Variants in NAV2 observed in about 807,000 individuals in gnomAD.
NAV2 encodes neuron navigator 2.
NAV2 carries 54 observed loss-of-function variants against 223.2 expected under a neutral mutation model. That is an observed-to-expected ratio of 0.24 (90% CI 0.19 to 0.30). The LOEUF (loss-of-function observed/expected upper bound fraction) is 0.30, where lower values mean the gene tolerates loss of function less well. NAV2 is among the 10% of genes least tolerant of loss of function. The pLI is 1.00. For missense variants in NAV2, 2,806 were observed against 3,147.5 expected (o/e 0.89, Z 2.60); for synonymous variants, 1,279 against 1,239.3 (o/e 1.03, Z -0.67).
chr11:19,681,123 T>C (rs2048870872), intron 1 of NAV2, among the ~76,000 whole-genome samples: 1 of 152,208 alleles, frequency 6.6e-6, no homozygotes, highest in Non-Finnish European at 1.5e-5. Flanking sequence ...AACTTACTAA[T>C]GAGAGACAGA....
chr11:20,051,321 A>G lies in NAV2; in HGVS notation c.4469A>G (p.Lys1490Arg). 6.2e-7 allele frequency: 1 copy of G among 1,614,112 alleles called. No individual in the cohort carries two copies. Among genetic ancestry groups the G allele is most frequent in the Non-Finnish European group, 8.5e-7 (1 of 1,179,958 alleles). Residue 1490 changes from lysine to arginine, a missense_variant, in exon 17 of 38, where the codon AAG (lysine) becomes AGG (arginine). By Grantham distance (26) the Lys-to-Arg change is conservative. Transcript: ENST00000349880. Reference sequence around the variant, plus strand: ...CACCTTGATAGGAACACTTTGCCTAAGAAAGGACTCAGGTATCTGTGTTTC... The same window carrying G: ...CACCTTGATAGGAACACTTTGCCTAGGAAAGGACTCAGGTATCTGTGTTTC... ...DPHLDRNTLP[K>R]KGLRYTPTSQ...
At chr11:20,093,797 C>T (rs1283094128) in intron 29 of NAV2, among the ~76,000 whole-genome samples, 2 of 152,130 alleles carry the variant, frequency 1.3e-5, no homozygotes, top group African/African-American at 4.8e-5. Flanking sequence ...TATACCACTG[C>T]CAGAGACTAT....
chr11:20,056,299 A>C lies in NAV2; in HGVS notation c.4831+342A>C, dbSNP rs148784917. 2.0e-4 allele frequency among the ~76,000 whole-genome samples: 30 copies of C among 152,312 alleles called. 1 individual carries two copies. In the East Asian group the frequency reaches 5.8e-3, roughly 29 times the overall value. On this transcript the variant is annotated intron_variant, in intron 19 of 37. Transcript: ENST00000349880. ...CACCTTGAGGCTCAGCCACCGGCTC[A>C]CCATCTTGGCAGAGAGAACTACTGG...
intron 1 of NAV2, among the ~76,000 whole-genome samples, chr11:19,594,432 T>C (rs2046147464): frequency 6.6e-6 from 1 of 152,026 alleles, no homozygotes; most frequent in Non-Finnish European, 1.5e-5. Flanking sequence ...CGGGGACTTT[T>C]TTTTTTTTTT....
chr11:19,579,399 G>A (rs945790946), intron 1 of NAV2, among the ~76,000 whole-genome samples: 3 of 152,092 alleles, frequency 2.0e-5, no homozygotes, highest in Non-Finnish European at 4.4e-5. Flanking sequence ...CTTGGTCTTC[G>A]TCTATCTGCC....
chr11:19,912,431 C>T lies in NAV2; in HGVS notation c.931+19837C>T, dbSNP rs1014090581. 5.3e-5 allele frequency among the ~76,000 whole-genome samples: 8 copies of T among 152,154 alleles called. No individual in the cohort carries two copies. In the East Asian group the frequency reaches 1.5e-3, roughly 29 times the overall value. The stretch of plus-strand genomic sequence containing the variant: ...TTACGAAAATGTTAAATAAATGAAA[C>T]AGAAAATAAAATTTGTTTCAAGGTA... On this transcript the variant is annotated intron_variant, in intron 6 of 37. Transcript: ENST00000349880.
chr11:19,750,079 G>A (rs867945288), intron 1 of NAV2, among the ~76,000 whole-genome samples: 1 of 152,134 alleles, frequency 6.6e-6, no homozygotes. Flanking sequence ...CATAAAGTTC[G>A]GCATTACTTG....
chr11:19,704,227 AT>A (rs2049594298), intron 1 of NAV2, among the ~76,000 whole-genome samples: 1 of 152,216 alleles, frequency 6.6e-6, no homozygotes, highest in Admixed American at 6.5e-5. Context: ...GACCATTGTC[AT>A]TAGCAAACTG....
At chr11:20,027,163 C>CCCGAGGTT (rs1419020148) in intron 11 of NAV2, 1 of 662,288 alleles carries the variant, frequency 1.5e-6, no homozygotes, top group African/African-American at 2.0e-5. Flanking sequence ...CCGAGAAAAC[C>CCCGAGGTT]TCCTGGGGAG....
At chr11:19,407,849 G>A (rs1849967773) in intron 1 of NAV2, among the ~76,000 whole-genome samples, 3 of 152,142 alleles carry the variant, frequency 2.0e-5, no homozygotes, top group Admixed American at 2.0e-4. Flanking sequence ...ATGATAATGC[G>A]TGTTGTCCTT....
chr11:19,610,502 T>C (rs2046607524), intron 1 of NAV2, among the ~76,000 whole-genome samples: 1 of 152,206 alleles, frequency 6.6e-6, no homozygotes, highest in Non-Finnish European at 1.5e-5. Flanking sequence ...CTCTTACTGC[T>C]TTATAATGCA....
intron 10 of NAV2, among the ~76,000 whole-genome samples, chr11:19,956,860 G>A (rs1361238695): frequency 6.6e-6 from 1 of 152,144 alleles, no homozygotes; most frequent in Non-Finnish European, 1.5e-5. Context: ...TCAGAGGGCA[G>A]GAATGAAAGT....
At chr11:19,452,221 G>A (rs1313218941) in intron 1 of NAV2, among the ~76,000 whole-genome samples, 1 of 151,938 alleles carries the variant, frequency 6.6e-6, no homozygotes, top group Non-Finnish European at 1.5e-5. Flanking sequence ...CCAGAGATCA[G>A]TTGAACTAAA....
At chr11:19,657,805 C>T (rs115513769) in intron 1 of NAV2, among the ~76,000 whole-genome samples, 3,242 of 152,172 alleles carry the variant, frequency 0.021, 111 homozygotes, top group African/African-American at 0.064. Context: ...AGACAAGCAA[C>T]AGATCCAGGC....
chr11:19,490,342 G>A (rs1169164239), intron 1 of NAV2, among the ~76,000 whole-genome samples: 3 of 152,158 alleles, frequency 2.0e-5, no homozygotes, highest in African/African-American at 2.4e-5. Flanking sequence ...CTATTTGATA[G>A]CATTTTACCC....
intron 3 of NAV2, among the ~76,000 whole-genome samples, chr11:19,867,243 C>T (rs1289565122): frequency 6.6e-6 from 1 of 152,162 alleles, no homozygotes; most frequent in South Asian, 2.1e-4. Flanking sequence ...TTTACTTTCC[C>T]CTCCCTCATT....
chr11:19,984,559 G>A (rs1481656738), intron 11 of NAV2, among the ~76,000 whole-genome samples: 1 of 152,156 alleles, frequency 6.6e-6, no homozygotes, highest in Non-Finnish European at 1.5e-5. Context: ...AGGCCCTAGG[G>A]ATGTGCTTTA....
chr11:19,676,110 C>T (rs1291483745), intron 1 of NAV2, among the ~76,000 whole-genome samples: 2 of 152,046 alleles, frequency 1.3e-5, no homozygotes, highest in African/African-American at 2.4e-5. Flanking sequence ...CATCAGTCTT[C>T]ATTCCTCAGC....
At chr11:19,967,511 C>G (rs61332084) in intron 10 of NAV2, among the ~76,000 whole-genome samples, 9,539 of 152,078 alleles carry the variant, frequency 0.063, 956 homozygotes, top group African/African-American at 0.22. Flanking sequence ...CTTAGAAAAG[C>G]AGTAGGTTCC....
Sources: allele counts gnomAD v4.1 joint callset (sites outside exome capture counted in the v4.1 genomes callset), GRCh38; gene constraint gnomAD v4.1.1; transcripts MANE v1.5; gene names NCBI Gene and HGNC (gene_info 2026-07-23, HGNC 2026-07-21).